The following FSTL4 variants were observed in gnomAD, a reference collection of about 807,000 sequenced individuals.
FSTL4 encodes follistatin like 4, also known as follistatin-related protein 4.
FSTL4 carries 28 observed loss-of-function variants against 78.2 expected under a neutral mutation model. The ratio of observed to expected loss-of-function variants is 0.36; its 90% CI spans 0.27 to 0.49. FSTL4 has a LOEUF of 0.49. FSTL4 is among the 20% of genes least tolerant of loss of function. The pLI is 0.98. For missense variants in FSTL4, 922 were observed against 1,084.9 expected, an observed-to-expected ratio of 0.85 and a Z score of 2.11; for synonymous variants, 422 against 440.5, an observed-to-expected ratio of 0.96 and a Z score of 0.53.
At chr5:133,679,756 A>T in the FSTL4 span, among the ~76,000 whole-genome samples, 1 of 152,074 alleles carries the variant, frequency 6.6e-6, no homozygotes, top group Non-Finnish European at 1.5e-5. Flanking sequence ...GTCTCTGCAC[A>T]TGGCCTCCTG....
rs369463639 is a variant in FSTL4 at position 133,224,186 on chromosome 5, G to A, written c.1339+4C>T. ...GCATGACGCAAAACAATGAAGCTTG[G>A]TACCTTCCTCTCGCCACAGGATGTT... On this transcript the variant is annotated splice_donor_region_variant and intron_variant, in intron 11 of 15. Coordinates refer to ENST00000265342, the MANE Select transcript of FSTL4 (RefSeq NM_015082.2). The A allele has an allele frequency of 2.5e-6, 4 of 1,611,808 alleles. No homozygotes were observed. Among genetic ancestry groups the A allele is most frequent in the Admixed American group, 1.7e-5 (1 of 59,962 alleles).
At chr5:133,561,484 G>A (rs1037334703) in intron 3 of FSTL4, among the ~76,000 whole-genome samples, 11 of 152,128 alleles carry the variant, frequency 7.2e-5, no homozygotes, top group Non-Finnish European at 2.9e-5. Flanking sequence ...CATTCTGGGG[G>A]AAAAGTTTCA....
chr5:133,384,089 G>A (rs1406259905), intron 4 of FSTL4, among the ~76,000 whole-genome samples: 1 of 152,218 alleles, frequency 6.6e-6, no homozygotes, highest in Non-Finnish European at 1.5e-5. Context: ...TCTGAGGCTG[G>A]TGGATGAGGA....
chr5:133,452,123 C>T (rs1018256335), intron 3 of FSTL4, among the ~76,000 whole-genome samples: 3 of 152,220 alleles, frequency 2.0e-5, no homozygotes, highest in African/African-American at 7.2e-5. Flanking sequence ...AGGATGGAGC[C>T]CTCCCAACTT....
In FSTL4 at chr5:133,459,585, C is replaced by T. The variant is rs527714910; in HGVS notation, c.161-58599G>A. On this transcript the variant is annotated intron_variant, in intron 3 of 15. Transcript: ENST00000265342. ...TCAATTAGCAGATATTATCAAACAT[C>T]TGCAGAGGAGACTGTGGAGAATTAA... Among the ~76,000 whole-genome samples, 291 of 152,296 alleles carry T rather than the reference C, an allele frequency of 1.9e-3. 1 individual carries two copies. The highest frequency in any genetic ancestry group is 3.8e-3 in the Non-Finnish European group (257 of 68,028).
At chr5:133,244,180 AG>A (rs1751965608) in intron 7 of FSTL4, 1 of 152,312 alleles carries the variant, frequency 6.6e-6, no homozygotes, top group Non-Finnish European at 1.5e-5. Context: ...CCCAGGAGAC[AG>A]GGGCTACAGG....
At chr5:133,328,764 G>A (rs1704660954) in intron 4 of FSTL4, among the ~76,000 whole-genome samples, 1 of 152,160 alleles carries the variant, frequency 6.6e-6, no homozygotes, top group African/African-American at 2.4e-5. Context: ...CAGTCACCAG[G>A]CAGGGAAGTC....
chr5:133,309,085 T>G (rs1425339939), intron 6 of FSTL4, among the ~76,000 whole-genome samples: 2 of 152,228 alleles, frequency 1.3e-5, no homozygotes, highest in African/African-American at 2.4e-5. Flanking sequence ...GCAAAAACCA[T>G]GCATCATCAA....
chr5:133,337,486 T>A lies in FSTL4; in HGVS notation c.410-20834A>T, dbSNP rs1326322757. On this transcript the variant is annotated intron_variant, in intron 4 of 15. Transcript: ENST00000265342. ...TTCGAGGAGTGGATCTGGGTCCATT[T>A]ATCTGGATTGCATCCACCTGAGCAA... is the stretch of plus-strand genomic sequence containing the variant. Among the ~76,000 whole-genome samples the A allele has an allele frequency of 2.0e-5, 3 of 152,202 alleles. No homozygotes were observed. The East Asian group carries it at 5.8e-4, about 29-fold the overall frequency.
intron 3 of FSTL4, among the ~76,000 whole-genome samples, chr5:133,564,419 A>C (rs965550728): frequency 1.3e-5 from 2 of 152,222 alleles, no homozygotes; most frequent in African/African-American, 4.8e-5. Flanking sequence ...CAAAGGGCCC[A>C]GTGCCTCACT....
chr5:133,589,919 A>G (rs1041001584), intron 2 of FSTL4, among the ~76,000 whole-genome samples: 1 of 152,166 alleles, frequency 6.6e-6, no homozygotes, highest in African/African-American at 2.4e-5. Flanking sequence ...CTCAATTTCT[A>G]CATGTGTAAA....
At chr5:133,200,328 C>T (rs925172466) in intron 15 of FSTL4, among the ~76,000 whole-genome samples, 7 of 152,246 alleles carry the variant, frequency 4.6e-5, no homozygotes, top group Non-Finnish European at 1.0e-4. Flanking sequence ...ACCCTCTTCC[C>T]CTGGAAGGGA....
At chr5:133,251,855 C>T (rs1451459479) in intron 6 of FSTL4, among the ~76,000 whole-genome samples, 1 of 152,212 alleles carries the variant, frequency 6.6e-6, no homozygotes. Flanking sequence ...GGCATGGAGG[C>T]CAGTGGTGGC....
intron 4 of FSTL4, among the ~76,000 whole-genome samples, chr5:133,337,854 G>C (rs1754498646): frequency 6.6e-6 from 1 of 152,244 alleles, no homozygotes; most frequent in Non-Finnish European, 1.5e-5. Flanking sequence ...ACTCAGTGGA[G>C]TTGATTTGAC....
At chr5:133,590,747 T>G (rs1760606376) in intron 2 of FSTL4, among the ~76,000 whole-genome samples, 1 of 152,178 alleles carries the variant, frequency 6.6e-6, no homozygotes, top group Non-Finnish European at 1.5e-5. Context: ...TTTGTGCTGC[T>G]ATAACAGAAT....
intron 2 of FSTL4, among the ~76,000 whole-genome samples, chr5:133,576,380 G>A (rs927668369): frequency 2.6e-5 from 4 of 152,180 alleles, no homozygotes; most frequent in South Asian, 2.1e-4. Context: ...AGAATATTAT[G>A]GGATTCACTG....
At position 133,323,798 on chromosome 5, in the gene FSTL4, G is replaced by A. The variant is rs80329745; in HGVS notation, c.410-7146C>T. ...TGATCAGCTTGCCGAGGAGCCCAGAGTGTGATCCTATTTTCATGTCAGAAC... is the reference window on the plus strand; with the variant it reads ...TGATCAGCTTGCCGAGGAGCCCAGAATGTGATCCTATTTTCATGTCAGAAC... On this transcript the variant is annotated intron_variant, in intron 4 of 15. Coordinates refer to ENST00000265342, the MANE Select transcript of FSTL4 (RefSeq NM_015082.2). Among the ~76,000 whole-genome samples the A allele has an allele frequency of 1.4e-3, 206 of 152,358 alleles. 1 individual carries two copies. Among genetic ancestry groups the A allele is most frequent in the African/African-American group, 4.7e-3 (194 of 41,586 alleles).
At chr5:133,618,497 A>T in the FSTL4 span, among the ~76,000 whole-genome samples, 43 of 152,198 alleles carry the variant, frequency 2.8e-4, no homozygotes, top group Non-Finnish European at 4.4e-5. Flanking sequence ...GAAAGCAGGA[A>T]AGACCAGATG....
chr5:133,567,575 G>A (rs1760055551), intron 2 of FSTL4, among the ~76,000 whole-genome samples: 1 of 152,214 alleles, frequency 6.6e-6, no homozygotes, highest in Non-Finnish European at 1.5e-5. Flanking sequence ...TGCTTTTAGG[G>A]ACTGAAGAAA....
Sources: gnomAD v4.1 joint callset for allele counts (sites outside exome capture counted in the v4.1 genomes callset) on GRCh38, gnomAD v4.1.1 for gene constraint, MANE v1.5 for transcripts, NCBI Gene and HGNC (gene_info 2026-07-23, HGNC 2026-07-21) for gene names.